The following THADA variants were observed in gnomAD, a reference collection of about 807,000 sequenced individuals.
THADA encodes THADA armadillo repeat containing, also known as tRNA (32-2'-O)-methyltransferase regulator THADA.
In THADA, 213 loss-of-function variants were observed where a neutral mutation model predicts 219.8. The ratio of observed to expected loss-of-function variants is 0.97; its 90% CI spans 0.87 to 1.09. THADA has a LOEUF of 1.09. Ranked by LOEUF, THADA falls within the 50% of genes least tolerant of loss-of-function variation. The pLI, the probability that THADA is intolerant of heterozygous loss-of-function variation, is 0.00. For missense variants in THADA, 2,956 were observed against 2,311.3 expected (o/e 1.28, Z -5.72); for synonymous variants, 1,018 against 828.9 (o/e 1.23, Z -3.92).
intron 36 of THADA, among the ~76,000 whole-genome samples, chr2:43,238,689 C>T (rs936730079): frequency 6.6e-5 from 10 of 152,090 alleles, no homozygotes; most frequent in African/African-American, 2.4e-4. Flanking sequence ...TTCATAAGAG[C>T]CAAGATGTGG....
At chr2:43,566,168 T>C (rs1574286478) in intron 15 of THADA, 2 of 354,766 alleles carry the variant, frequency 5.6e-6, no homozygotes, top group East Asian at 8.5e-5. Flanking sequence ...GGAACTGAAA[T>C]TTGACCCTCT....
chr2:43,293,307 G>A, intron 31 of THADA, 94 bp from the exon 32 acceptor site: 2 of 1,369,428 alleles, frequency 1.5e-6, no homozygotes, highest in South Asian at 2.9e-5. Flanking sequence ...ACTGCGTGAG[G>A]CCATCAGATG....
intron 7 of THADA, among the ~76,000 whole-genome samples, chr2:43,584,025 G>A (rs550050060): frequency 7.6e-6 from 1 of 131,610 alleles, no homozygotes; most frequent in East Asian, 2.3e-4. Flanking sequence ...CAGAGCCAGA[G>A]CTTGTCTCAA....
intron 30 of THADA, among the ~76,000 whole-genome samples, chr2:43,342,446 C>A (rs1452172379): frequency 1.3e-5 from 2 of 152,216 alleles, no homozygotes; most frequent in Non-Finnish European, 2.9e-5. Context: ...TTCCTGAGCC[C>A]CATTCTCTGC....
intron 31 of THADA, among the ~76,000 whole-genome samples, chr2:43,315,520 T>C (rs947146560): frequency 2.0e-5 from 3 of 152,118 alleles, no homozygotes; most frequent in African/African-American, 7.2e-5. Context: ...TGGACTGCAA[T>C]GGTGTGATCA....
intron 26 of THADA, among the ~76,000 whole-genome samples, chr2:43,446,148 G>A (rs1168891503): frequency 2.0e-5 from 3 of 152,174 alleles, no homozygotes; most frequent in African/African-American, 7.2e-5. Context: ...TTTAGAAAAT[G>A]TTCCTAAAAA....
intron 22 of THADA, 42 bp downstream of exon 22, chr2:43,527,837 T>G: frequency 7.2e-7 from 1 of 1,383,782 alleles, no homozygotes; most frequent in Non-Finnish European, 1.0e-6. Context: ...GCTTTGTATA[T>G]TTAGTCTTTT....
intron 25 of THADA, among the ~76,000 whole-genome samples, chr2:43,488,595 T>G (rs1490728995): frequency 6.6e-6 from 1 of 152,222 alleles, no homozygotes; most frequent in African/African-American, 2.4e-5. Flanking sequence ...GACGGACATT[T>G]GGGCTATTTC....
chr2:43,308,753 C>T (rs1373562311), intron 31 of THADA, among the ~76,000 whole-genome samples: 1 of 17,682 alleles, frequency 5.7e-5, no homozygotes, highest in African/African-American at 1.8e-4. Context: ...ATTGGATACC[C>T]ATACCAAAAA....
intron 28 of THADA, chr2:43,408,518 T>TA (rs1170493583): frequency 1.3e-5 from 2 of 152,222 alleles, no homozygotes; most frequent in Non-Finnish European, 2.9e-5. Flanking sequence ...TCATCAGCTT[T>TA]AAGTGACTTT....
chr2:43,234,774 C>A (rs1422681228), intron 36 of THADA, among the ~76,000 whole-genome samples: 1 of 151,876 alleles, frequency 6.6e-6, no homozygotes, highest in African/African-American at 2.4e-5. Flanking sequence ...CTGCCTTAGC[C>A]CCCAAGTAGC....
chr2:43,582,000 A>C (rs569997250), intron 7 of THADA, 72 bp from the exon 8 acceptor site: 1 of 1,136,178 alleles, frequency 8.8e-7, no homozygotes, highest in East Asian at 2.6e-5. Flanking sequence ...ATTATCAGCA[A>C]AATAAATACA....
chr2:43,284,820 G>A (rs1484340216), intron 35 of THADA, among the ~76,000 whole-genome samples: 1 of 152,222 alleles, frequency 6.6e-6, no homozygotes, highest in African/African-American at 2.4e-5. Context: ...TAAAGCCACA[G>A]GGGCAGAGCT....
At chr2:43,240,261 G>T (rs182970260) in intron 36 of THADA, among the ~76,000 whole-genome samples, 1 of 152,302 alleles carries the variant, frequency 6.6e-6, no homozygotes, top group East Asian at 1.9e-4. Flanking sequence ...GGCTGGGGTG[G>T]CCTGGGCAGC....
chr2:43,525,729 T>C (rs929329850), intron 22 of THADA, among the ~76,000 whole-genome samples: 1 of 152,144 alleles, frequency 6.6e-6, no homozygotes, highest in Non-Finnish European at 1.5e-5. Context: ...CCTGCCCAAA[T>C]TGTTGAGATA....
intron 29 of THADA, among the ~76,000 whole-genome samples, chr2:43,372,973 G>A (rs992457951): frequency 1.3e-5 from 2 of 151,988 alleles, no homozygotes; most frequent in African/African-American, 2.4e-5. Context: ...TTACAGGCAT[G>A]AGCCACCACG....
At chr2:43,453,049 C>T (rs998863434) in intron 26 of THADA, among the ~76,000 whole-genome samples, 5 of 152,160 alleles carry the variant, frequency 3.3e-5, no homozygotes, top group African/African-American at 1.2e-4. Flanking sequence ...TCTGTGAACA[C>T]TCAGGCTGAG....
In THADA at chr2:43,581,327, CCAGAA is replaced by C. The variant is rs537336896; in HGVS notation, c.721+409_721+413del. On this transcript the variant is annotated intron_variant, in intron 8 of 37. Coordinates refer to ENST00000405975, the MANE Select transcript of THADA (RefSeq NM_022065.5). ...AGCAGGTTACTTGAGGCCAGGAGTT[CCAGAA>C]CAGCCTGGCCAACATGGCAAAACCC... Among the ~76,000 whole-genome samples, 3 of 152,112 alleles carry C rather than the reference CCAGAA, an allele frequency of 2.0e-5. No homozygotes were observed. In the South Asian group the frequency reaches 6.2e-4, roughly 32 times the overall value.
intron 30 of THADA, among the ~76,000 whole-genome samples, chr2:43,337,115 C>T (rs1269111741): frequency 6.6e-6 from 1 of 152,274 alleles, no homozygotes; most frequent in Non-Finnish European, 1.5e-5. Flanking sequence ...TATGGCCAAT[C>T]TGACCCGAAT....
Sources: allele counts gnomAD v4.1 joint callset (sites outside exome capture counted in the v4.1 genomes callset), GRCh38; gene constraint gnomAD v4.1.1; transcripts MANE v1.5; gene names NCBI Gene and HGNC (gene_info 2026-07-23, HGNC 2026-07-21).